PTPRD: variants seen among roughly 807,000 people sequenced by gnomAD.
PTPRD encodes the protein receptor-type tyrosine-protein phosphatase delta.
Under a neutral mutation model 214.5 loss-of-function variants are expected in PTPRD, and 34 were observed. The ratio of observed to expected loss-of-function variants is 0.16; its 90% CI spans 0.12 to 0.21. PTPRD has a LOEUF of 0.21. Ranked by LOEUF, PTPRD falls within the 10% of genes least tolerant of loss-of-function variation. PTPRD has a pLI of 1.00. For missense variants in PTPRD, 2,545 were observed against 2,398.7 expected, an observed-to-expected ratio of 1.06 and a Z score of -1.27; for synonymous variants, 1,128 against 845.7, an observed-to-expected ratio of 1.33 and a Z score of -5.79.
intron 10 of PTPRD, among the ~76,000 whole-genome samples, chr9:9,105,631 A>G (rs182921762): frequency 2.8e-4 from 43 of 152,328 alleles, no homozygotes; most frequent in African/African-American, 9.6e-4. Context: ...TCATCAACTA[A>G]GATCAGAATT....
chr9:9,427,963 G>A lies in PTPRD; in HGVS notation c.-236-30481C>T, dbSNP rs543417188. Among the ~76,000 whole-genome samples the A allele has an allele frequency of 5.9e-5, 9 of 152,216 alleles. No individual in the cohort carries two copies. In the South Asian group the frequency reaches 6.2e-4, roughly 11 times the overall value. On this transcript the variant is annotated intron_variant, in intron 8 of 45. Coordinates refer to ENST00000381196, the MANE Select transcript of PTPRD (RefSeq NM_002839.4). Reference sequence around the variant, plus strand: ...TTACCAGCCACTGCAAAGACATGCCGAATTGTAAAGACCATCAATGCTAGG... The same window carrying A: ...TTACCAGCCACTGCAAAGACATGCCAAATTGTAAAGACCATCAATGCTAGG...
chr9:9,547,355 T>G (rs1452983687), intron 8 of PTPRD, among the ~76,000 whole-genome samples: 1 of 152,118 alleles, frequency 6.6e-6, no homozygotes, highest in Non-Finnish European at 1.5e-5. Context: ...CTTTTTCTTT[T>G]GGAAATCCTC....
At chr9:10,303,792 G>A (rs1195961626) in intron 3 of PTPRD, among the ~76,000 whole-genome samples, 1 of 152,086 alleles carries the variant, frequency 6.6e-6, no homozygotes, top group African/African-American at 2.4e-5. Context: ...ACCAAAAAAT[G>A]TCCAGGACCA....
At chr9:10,490,825 T>C (rs1320759317) in intron 2 of PTPRD, among the ~76,000 whole-genome samples, 4 of 152,194 alleles carry the variant, frequency 2.6e-5, no homozygotes, top group African/African-American at 7.2e-5. Flanking sequence ...AAATTATATG[T>C]CATTTAGCAT....
intron 11 of PTPRD, among the ~76,000 whole-genome samples, chr9:8,773,404 G>A (rs2117328): frequency 5.3e-5 from 8 of 151,896 alleles, no homozygotes; most frequent in African/African-American, 1.5e-4. Flanking sequence ...AGAAACTCTC[G>A]CCAGGCAGTA....
intron 5 of PTPRD, among the ~76,000 whole-genome samples, chr9:9,835,830 T>C (rs1222851693): frequency 6.6e-6 from 1 of 152,114 alleles, no homozygotes; most frequent in Non-Finnish European, 1.5e-5. Flanking sequence ...GCCACCCTCC[T>C]GCCATATTGT....
intron 8 of PTPRD, among the ~76,000 whole-genome samples, chr9:9,540,283 A>G (rs902830742): frequency 6.6e-6 from 1 of 151,814 alleles, no homozygotes; most frequent in Non-Finnish European, 1.5e-5. Context: ...AACACTGAGT[A>G]TAGGGTACTA....
At chr9:10,521,981 CT>C in intron 2 of PTPRD, among the ~76,000 whole-genome samples, 1 of 152,094 alleles carries the variant, frequency 6.6e-6, no homozygotes, top group East Asian at 1.9e-4. Context: ...TCTGTATGGT[CT>C]TTTTGATCCA....
chr9:9,548,414 T>C (rs1477638420), intron 8 of PTPRD, among the ~76,000 whole-genome samples: 1 of 149,546 alleles, frequency 6.7e-6, no homozygotes, highest in East Asian at 2.0e-4. Flanking sequence ...TCTTTTTTTT[T>C]TTTTTTTTTT....
intron 8 of PTPRD, among the ~76,000 whole-genome samples, chr9:9,435,376 T>C (rs918691723): frequency 2.6e-4 from 32 of 125,016 alleles, no homozygotes; most frequent in African/African-American, 1.0e-3. Context: ...ATTAAAAAAT[T>C]AGCCAGGCAT....
chr9:9,946,334 G>A (rs1174060485), intron 4 of PTPRD, among the ~76,000 whole-genome samples: 1 of 152,124 alleles, frequency 6.6e-6, no homozygotes, highest in Non-Finnish European at 1.5e-5. Flanking sequence ...GTTACAATAA[G>A]TATAACTGAG....
intron 7 of PTPRD, among the ~76,000 whole-genome samples, chr9:9,609,728 G>A (rs1260376819): frequency 6.6e-6 from 1 of 152,150 alleles, no homozygotes; most frequent in African/African-American, 2.4e-5. Flanking sequence ...CTCCCAAAGC[G>A]CTGGGATCAC....
chr9:9,087,923 G>A (rs1217562821), intron 10 of PTPRD, among the ~76,000 whole-genome samples: 1 of 105,420 alleles, frequency 9.5e-6, no homozygotes, highest in African/African-American at 3.8e-5. Flanking sequence ...GTCTCACTCT[G>A]TTGCCTAGGC....
chr9:8,943,777 T>A (rs12380784), intron 11 of PTPRD, among the ~76,000 whole-genome samples: 42,032 of 150,996 alleles, frequency 0.28, 6,581 homozygotes, highest in South Asian at 0.36. Context: ...AAAACTTAAA[T>A]CTAAGACTTC....
chr9:8,387,260 C>G (rs1167742203), intron 37 of PTPRD, among the ~76,000 whole-genome samples: 2 of 152,070 alleles, frequency 1.3e-5, no homozygotes, highest in East Asian at 3.9e-4. Flanking sequence ...AGAAGGTAGC[C>G]TGCAACAGAA....
At chr9:10,563,092 T>C (rs975153894) in intron 2 of PTPRD, among the ~76,000 whole-genome samples, 2 of 152,158 alleles carry the variant, frequency 1.3e-5, no homozygotes, top group African/African-American at 4.8e-5. Context: ...GGGCATGATA[T>C]CTGTGTAATT....
chr9:10,173,167 C>T (rs1483101602), intron 3 of PTPRD, among the ~76,000 whole-genome samples: 8 of 152,088 alleles, frequency 5.3e-5, no homozygotes, highest in Non-Finnish European at 1.2e-4. Context: ...TGATTAGATA[C>T]ACTTGTGAAG....
chr9:8,907,449 C>T (rs1387153778), intron 11 of PTPRD, among the ~76,000 whole-genome samples: 2 of 141,390 alleles, frequency 1.4e-5, no homozygotes, highest in African/African-American at 2.6e-5. Context: ...ACCTGGGAGG[C>T]GGAGGTTGCA....
At chr9:9,047,289 G>A (rs543211305) in intron 10 of PTPRD, among the ~76,000 whole-genome samples, 18 of 152,138 alleles carry the variant, frequency 1.2e-4, no homozygotes, top group Admixed American at 7.9e-4. Flanking sequence ...CCATGTTTAT[G>A]GATTGGAAGA....
Sources: allele counts gnomAD v4.1 joint callset (sites outside exome capture counted in the v4.1 genomes callset), GRCh38; gene constraint gnomAD v4.1.1; transcripts MANE v1.5; gene names NCBI Gene and HGNC (gene_info 2026-07-23, HGNC 2026-07-21).